The following SLC9A8 variants were observed in gnomAD, a reference collection of about 807,000 sequenced individuals.
The protein encoded by SLC9A8 is solute carrier family 9 member A8, also known as sodium/hydrogen exchanger 8.
In SLC9A8, 48 loss-of-function variants were observed where a neutral mutation model predicts 66.6. That is an observed-to-expected ratio of 0.72 (90% confidence interval 0.57 to 0.92). The LOEUF is 0.92. Ranked by LOEUF, SLC9A8 falls within the 40% of genes least tolerant of loss-of-function variation. SLC9A8 has a pLI of 0.00. For missense variants in SLC9A8, 599 were observed against 747.3 expected (o/e 0.80, Z 2.31); for synonymous variants, 274 against 282.6 (o/e 0.97, Z 0.31).
intron 12 of SLC9A8, among the ~76,000 whole-genome samples, chr20:49,878,710 A>C (rs1351172511): frequency 6.6e-6 from 1 of 152,188 alleles, no homozygotes; most frequent in African/African-American, 2.4e-5. Flanking sequence ...AAGCAGCAAA[A>C]GTCCTTTACA....
At chr20:49,870,454 G>A (rs1250838811) in intron 10 of SLC9A8, among the ~76,000 whole-genome samples, 2 of 152,180 alleles carry the variant, frequency 1.3e-5, no homozygotes, top group Non-Finnish European at 2.9e-5. Flanking sequence ...GGAGGGTTTT[G>A]GCAGCAGGAA....
chr20:49,884,125 G>A (rs1477060748), intron 14 of SLC9A8, 59 bp downstream of exon 14: 1 of 1,487,382 alleles, frequency 6.7e-7, no homozygotes, highest in Admixed American at 1.7e-5. Flanking sequence ...GCAGCTGGTG[G>A]TCCCCACTGT....
chr20:49,884,342 C>T lies in SLC9A8; in HGVS notation c.1491+276C>T, dbSNP rs1481341533. On this transcript the variant is annotated intron_variant, in intron 14 of 15. Coordinates refer to ENST00000361573, the MANE Select transcript of SLC9A8 (RefSeq NM_015266.3). ...CACACACACACACACACACACCCCC[C>T]GGTCATCCCCCCTGAGAAGGAGGTG... Among the ~76,000 whole-genome samples the T allele has an allele frequency of 1.2e-4, 7 of 57,380 alleles. No individual in the cohort carries two copies. The South Asian group carries it at 2.7e-3, about 22-fold the overall frequency. 37.6% of individuals were successfully genotyped at this position (57,380 alleles called of 152,430 possible).
chr20:49,841,531 A>T (rs1207635151), intron 4 of SLC9A8, among the ~76,000 whole-genome samples: 1 of 151,806 alleles, frequency 6.6e-6, no homozygotes, highest in East Asian at 1.9e-4. Flanking sequence ...CATGTGCTTA[A>T]TATTTTTCTA....
chr20:49,887,342 G>A (rs2089927675), intron 15 of SLC9A8, among the ~76,000 whole-genome samples: 1 of 152,010 alleles, frequency 6.6e-6, no homozygotes, highest in South Asian at 2.1e-4. Flanking sequence ...CTTTGTTTCC[G>A]AGCAGGCCCA....
At chr20:49,884,927 A>G (rs1490817935) in intron 14 of SLC9A8, among the ~76,000 whole-genome samples, 6 of 152,218 alleles carry the variant, frequency 3.9e-5, no homozygotes, top group African/African-American at 1.4e-4. Flanking sequence ...GCATTTCTGG[A>G]CATGCATCTC....
At chr20:49,874,222 C>T (rs1204597754) in intron 10 of SLC9A8, among the ~76,000 whole-genome samples, 1 of 151,994 alleles carries the variant, frequency 6.6e-6, no homozygotes, top group Non-Finnish European at 1.5e-5. Context: ...CGCACTATTG[C>T]ACTCCAGCCT....
intron 2 of SLC9A8, among the ~76,000 whole-genome samples, chr20:49,820,690 T>G (rs1207326565): frequency 1.3e-5 from 2 of 151,702 alleles, no homozygotes; most frequent in Non-Finnish European, 2.9e-5. Context: ...GGGATTCAGG[T>G]GCGCACCACC....
intron 6 of SLC9A8, among the ~76,000 whole-genome samples, chr20:49,850,348 A>G (rs17786105): frequency 0.28 from 42,648 of 152,168 alleles, 6,349 homozygotes; most frequent in Non-Finnish European, 0.34. Flanking sequence ...TGTCAGTTGC[A>G]GAAAGTTTGC....
intron 3 of SLC9A8, among the ~76,000 whole-genome samples, chr20:49,831,433 G>GTC (rs72028031): frequency 1.6e-5 from 2 of 125,284 alleles, no homozygotes; most frequent in South Asian, 2.5e-4. Context: ...CTCTCTCTCT[G>GTC]TCTCTCTCTC....
intron 3 of SLC9A8, among the ~76,000 whole-genome samples, chr20:49,834,365 CTG>C (rs1176336737): frequency 0.05 from 2,145 of 42,644 alleles, 137 homozygotes; most frequent in African/African-American, 0.17. Context: ...TATATATATA[CTG>C]TGTATATATA....
intron 8 of SLC9A8, among the ~76,000 whole-genome samples, chr20:49,857,308 C>T (rs2088537050): frequency 6.6e-6 from 1 of 152,242 alleles, no homozygotes; most frequent in Non-Finnish European, 1.5e-5. Flanking sequence ...AAAGCATAAC[C>T]ACTCTGTGGT....
intron 14 of SLC9A8, among the ~76,000 whole-genome samples, chr20:49,885,015 C>T (rs534110047): frequency 5.3e-5 from 8 of 152,350 alleles, no homozygotes; most frequent in Admixed American, 3.3e-4. Flanking sequence ...TGGCCATCCA[C>T]GGCTAACACT....
At position 49,889,972 on chromosome 20, in the gene SLC9A8, G is replaced by T. The variant is rs2090005380; in HGVS notation, c.*2036G>T. 2 of 152,268 alleles carry T rather than the reference G, an allele frequency of 1.3e-5. No homozygotes were observed. The highest frequency in any genetic ancestry group is 2.9e-5 in the Non-Finnish European group (2 of 68,056). 9.4% of individuals were successfully genotyped at this position (152,268 alleles called of 1,614,324 possible). A position where few individuals can be genotyped will look rare whatever the true frequency, so the allele number is the denominator to read the frequency against. ...CGTCTGCCCCCTCGTCACCAGGTGT[G>T]ATAGCCCCAGCCAGGTCACACCTGG... On this transcript the variant is annotated 3_prime_UTR_variant, in exon 16 of 16. Transcript: ENST00000361573.
At chr20:49,816,824 G>A (rs1181612236) in intron 2 of SLC9A8, among the ~76,000 whole-genome samples, 1 of 151,934 alleles carries the variant, frequency 6.6e-6, no homozygotes, top group African/African-American at 2.4e-5. Context: ...TGCCTCCCGG[G>A]TTCACGCCGT....
At chr20:49,855,779 G>C (rs1233721142) in intron 8 of SLC9A8, among the ~76,000 whole-genome samples, 198 bp downstream of exon 8, 2 of 152,102 alleles carry the variant, frequency 1.3e-5, no homozygotes, top group African/African-American at 4.8e-5. Context: ...TCCAGGGGTG[G>C]TTAAAAGAGG....
Position 49,845,036 on chromosome 20 carries a change from G to A in SLC9A8, c.349G>A (p.Glu117Lys), listed in dbSNP as rs748211959. ...TAAGATACTCATTTTCTATTTACAG[G>A]AAGAAGAAATGTTTCGTCCAAACAT... Reference protein sequence around the residue: ...IEFKKLANWKEEEMFRPNMFF... With the variant: ...IEFKKLANWKKEEMFRPNMFF... The change falls in exon 5 of 16, where the codon GAA becomes AAA. Residue 117 changes from glutamate to lysine, a missense_variant and splice_region_variant. Around this residue, in one of 2 missense-constraint regions of SLC9A8, gnomAD observed 467 missense variants for 626.5 expected, o/e 0.75. Coordinates refer to ENST00000361573, the MANE Select transcript of SLC9A8 (RefSeq NM_015266.3). The A allele has an allele frequency of 1.2e-6, 2 of 1,608,062 alleles. No homozygotes were observed. The highest frequency in any genetic ancestry group is 1.7e-4 in the Middle Eastern group (1 of 6,056).
chr20:49,884,172 G>A, intron 14 of SLC9A8, 106 bp downstream of exon 14: 2 of 866,530 alleles, frequency 2.3e-6, no homozygotes, highest in South Asian at 2.9e-5. Flanking sequence ...TTCTTGCTTT[G>A]AGGATGCCCA....
Position 49,874,819 on chromosome 20 carries a change from G to A in SLC9A8, c.1073G>A (p.Cys358Tyr), listed in dbSNP as rs1056681223. The A allele has an allele frequency of 6.2e-7, 1 of 1,601,954 alleles. No individual in the cohort carries two copies. Among genetic ancestry groups the A allele is most frequent in the Non-Finnish European group, 8.6e-7 (1 of 1,168,796 alleles). ...ACCCTCCGCACCGTGGCCTTCTTAT[G>A]TGGTGAGTTCTGCTTCTGTGTGGCC... ...QQTLRTVAFL[C>Y]ETCVFAFLGL... The change falls in exon 11 of 16, where the codon TGT becomes TAT. Residue 358 changes from cysteine to tyrosine, a missense_variant and splice_region_variant. By Grantham distance (194) the Cys-to-Tyr change is radical. Transcript: ENST00000361573.
Sources: gnomAD v4.1 joint callset for allele counts (sites outside exome capture counted in the v4.1 genomes callset) on GRCh38, gnomAD v4.1.1 for gene constraint, gnomAD v4.1.1 regional missense constraint, MANE v1.5 for transcripts, NCBI Gene and HGNC (gene_info 2026-07-23, HGNC 2026-07-21) for gene names.